The following C12orf43 variants were observed in gnomAD, a reference collection of about 807,000 sequenced individuals.
The protein encoded by C12orf43 is protein CUSTOS.
C12orf43 carries 15 observed loss-of-function variants against 20.6 expected under a neutral mutation model. The observed-to-expected ratio is 0.73, with a 90% CI of 0.49 to 1.12. The LOEUF (loss-of-function observed/expected upper bound fraction) is 1.12, where lower values mean the gene tolerates loss of function less well. Among genes scored for constraint, C12orf43 ranks in the 50% most tolerant of loss-of-function variants. The pLI, the probability that C12orf43 is intolerant of heterozygous loss-of-function variation, is 0.00. For missense variants in C12orf43, 334 were observed against 344.4 expected (o/e 0.97, Z 0.24); for synonymous variants, 144 against 130.8 (o/e 1.10, Z -0.69).
At chr12:121,009,982 T>C (rs975994231) in intron 3 of C12orf43, among the ~76,000 whole-genome samples, 7 of 152,178 alleles carry the variant, frequency 4.6e-5, no homozygotes, top group Non-Finnish European at 8.8e-5. Context: ...CTTACTCTCA[T>C]GGTTGCAGGA....
chr12:121,007,863 T>G (rs1353207365), intron 3 of C12orf43, among the ~76,000 whole-genome samples: 1 of 152,104 alleles, frequency 6.6e-6, no homozygotes, highest in African/African-American at 2.4e-5. Context: ...GTAGAGATGA[T>G]GCCACCCAGG....
chr12:121,007,844 G>A (rs1277546326), intron 3 of C12orf43, among the ~76,000 whole-genome samples: 1 of 152,148 alleles, frequency 6.6e-6, no homozygotes, highest in Non-Finnish European at 1.5e-5. Context: ...AGCAACCCGG[G>A]GAGAGGGAGT....
At chr12:121,015,409 A>G (rs1282489798) in intron 1 of C12orf43, among the ~76,000 whole-genome samples, 1 of 152,242 alleles carries the variant, frequency 6.6e-6, no homozygotes, top group Non-Finnish European at 1.5e-5. Context: ...GCTTTGCCAT[A>G]GCCTTCTCTA....
chr12:121,006,358 T>G lies in C12orf43; in HGVS notation c.324A>C (p.Ala108=), dbSNP rs1265959920. ...AAGCGACTTTCTGTACCTTAGCTTT[T>G]GCTGGCTCCTTTGCTGCTTCTGAGA... ...ITISEAAKEP[A]KAKVQKVALE... is the part of the protein sequence containing the mutation. The change falls in exon 4 of 6, where the codon GCA becomes GCC. Residue 108 remains alanine (A), a synonymous_variant. Coordinates refer to ENST00000288757, the MANE Select transcript of C12orf43 (RefSeq NM_022895.3). 1 of 1,614,090 alleles carries G rather than the reference T, an allele frequency of 6.2e-7. No homozygotes were observed. The highest frequency in any genetic ancestry group is 1.3e-5 in the African/African-American group (1 of 74,940).
chr12:121,016,402 G>A lies in C12orf43; in HGVS notation c.73C>T (p.Arg25Trp). 6.2e-7 allele frequency: 1 copy of A among 1,613,950 alleles called. No individual in the cohort carries two copies. Among genetic ancestry groups the A allele is most frequent in the Non-Finnish European group, 8.5e-7 (1 of 1,180,050 alleles). Reference protein sequence around the residue: ...NSSSDAEELERCREAAMPAWG... With the variant: ...NSSSDAEELEWCREAAMPAWG... ...GCCGGCATTGCCGCCTCGCGGCACC[G>A]CTCCAGCTCCTCCGCATCGCTACTG... The change falls in exon 1 of 6, where the codon CGG becomes TGG. Residue 25 changes from arginine to tryptophan, a missense_variant. Arg to Trp is a moderately radical substitution (Grantham distance 101). Coordinates refer to ENST00000288757, the MANE Select transcript of C12orf43 (RefSeq NM_022895.3).
At chr12:121,006,070 G>T in intron 4 of C12orf43, 2 of 426,482 alleles carry the variant, frequency 4.7e-6, no homozygotes, top group Admixed American at 7.7e-5. Flanking sequence ...TAAATAATTA[G>T]CCAGGGGTGG....
At position 121,016,425 on chromosome 12, in the gene C12orf43, C is replaced by A; in HGVS notation, c.50G>T (p.Ser17Ile). The change falls in exon 1 of 6, where the codon AGT becomes ATT. Residue 17 changes from serine to isoleucine, a missense_variant. Ser to Ile is a moderately radical substitution (Grantham distance 142). Coordinates refer to ENST00000288757, the MANE Select transcript of C12orf43 (RefSeq NM_022895.3). ...CCGCTCCAGCTCCTCCGCATCGCTA[C>A]TGCTGTTACTACTTTCCGAATCGCT... ...TVSDSESSNS[S>I]SDAEELERCR... 1.9e-6 allele frequency: 3 copies of A among 1,614,086 alleles called. No individual in the cohort carries two copies. The South Asian group carries it at 3.3e-5, about 18-fold the overall frequency.
In C12orf43 at chr12:121,005,254, A is replaced by C. The variant is rs957763041; in HGVS notation, c.362-161T>G. Among the ~76,000 whole-genome samples, 6 of 152,038 alleles carry C rather than the reference A, an allele frequency of 3.9e-5. No individual in the cohort carries two copies. The highest frequency in any genetic ancestry group is 4.1e-4 in the South Asian group (2 of 4,832). ...AAAAAAAAATTTTAAGAAGACACAA[A>C]ATAAAAAAATTTAAAAAAGAAACAA... On this transcript the variant is annotated intron_variant, in intron 4 of 5. Coordinates refer to ENST00000288757, the MANE Select transcript of C12orf43 (RefSeq NM_022895.3). The surrounding 1 kb of genome is among the most constrained non-coding windows in gnomAD (Gnocchi z 5.6).
In C12orf43 at chr12:121,001,630, G is replaced by A. The variant is rs1169310; in HGVS notation, c.*2523C>T. The A allele has an allele frequency of 0.37, 163,382 of 441,510 alleles. 32,923 individuals are homozygous for A. Among genetic ancestry groups the A allele is most frequent in the Middle Eastern group, 0.57 (1,764 of 3,104 alleles). 27.3% of individuals were successfully genotyped at this position (441,510 alleles called of 1,614,324 possible). A position where few individuals can be genotyped will look rare whatever the true frequency, so the allele number is the denominator to read the frequency against. On this transcript the variant is annotated 3_prime_UTR_variant, in exon 6 of 6. Coordinates refer to ENST00000288757, the MANE Select transcript of C12orf43 (RefSeq NM_022895.3). ...GACCTGCTGAGCTCTGAGAGGCCCT[G>A]GATCAGCGTGGCCTTGTTCTGTCAC...
At position 121,002,023 on chromosome 12, in the gene C12orf43, A is replaced by T; in HGVS notation, c.*2130T>A. 5.6e-6 allele frequency: 3 copies of T among 536,872 alleles called. No homozygotes were observed. The highest frequency in any genetic ancestry group is 4.6e-5 in the South Asian group (3 of 65,250). The allele number at this position is 536,872 out of a possible 1,614,324, so 33.3% of individuals were successfully genotyped here. The stretch of plus-strand genomic sequence containing the variant: ...TGTGGGAGCCTCGCAACCCGTGCCA[A>T]GTCCAGGTCCTGGTGGGGCAGCTCC... On this transcript the variant is annotated 3_prime_UTR_variant, in exon 6 of 6. Transcript: ENST00000288757.
At chr12:121,012,367 G>T (rs900870942) in intron 1 of C12orf43, 64 of 702,082 alleles carry the variant, frequency 9.1e-5, no homozygotes, top group Non-Finnish European at 1.5e-4. Flanking sequence ...TGGGCCAATG[G>T]GAGGACCTGG....
At chr12:121,014,454 C>A (rs1349721590) in intron 1 of C12orf43, among the ~76,000 whole-genome samples, 5 of 150,876 alleles carry the variant, frequency 3.3e-5, no homozygotes, top group African/African-American at 1.2e-4. Flanking sequence ...CACGGTGAAA[C>A]CCTGTCTGTA....
chr12:121,011,058 C>T, intron 2 of C12orf43, 46 bp downstream of exon 2: 1 of 1,603,718 alleles, frequency 6.2e-7, no homozygotes, highest in Non-Finnish European at 8.5e-7. Context: ...CGCAGGGGAT[C>T]AGTATTTGTT....
At chr12:121,014,404 G>A (rs1371494461) in intron 1 of C12orf43, among the ~76,000 whole-genome samples, 1 of 151,568 alleles carries the variant, frequency 6.6e-6, no homozygotes, top group African/African-American at 2.4e-5. Flanking sequence ...CGAGGCAGGT[G>A]GATTGCCTGA....
At chr12:121,012,477 T>C (rs1868463570) in intron 1 of C12orf43, 1 of 702,570 alleles carries the variant, frequency 1.4e-6, no homozygotes, top group Non-Finnish European at 2.6e-6. Context: ...GTGAGACTGT[T>C]GGGGCAAAGG....
chr12:121,001,833 G>A lies in C12orf43; in HGVS notation c.*2320C>T, dbSNP rs1426692846. The A allele has an allele frequency of 1.9e-6, 1 of 532,930 alleles. No individual in the cohort carries two copies. The highest frequency in any genetic ancestry group is 1.9e-5 in the African/African-American group (1 of 53,868). 33.0% of individuals were successfully genotyped at this position (532,930 alleles called of 1,614,324 possible). ...GAGGCCGAAGCTAACAGGGAAGGCA[G>A]GCAGGGCTCTCCTGGCTTCCCATCC... On this transcript the variant is annotated 3_prime_UTR_variant, in exon 6 of 6. Transcript: ENST00000288757.
At chr12:121,010,786 T>C in intron 3 of C12orf43, 42 bp downstream of exon 3, 2 of 1,490,654 alleles carry the variant, frequency 1.3e-6, no homozygotes, top group Non-Finnish European at 1.8e-6. Context: ...TTGCTGTTCA[T>C]ATTAACAAGG....
rs1565889961 is a variant in C12orf43 at position 121,002,353 on chromosome 12, G to A, written c.*1800C>T. The A allele has an allele frequency of 2.1e-6, 1 of 486,306 alleles. No homozygotes were observed. The highest frequency in any genetic ancestry group is 3.9e-6 in the Non-Finnish European group (1 of 253,760). The allele number at this position is 486,306 out of a possible 1,614,324, so 30.1% of individuals were successfully genotyped here. A position where few individuals can be genotyped will look rare whatever the true frequency, so the allele number is the denominator to read the frequency against. On this transcript the variant is annotated 3_prime_UTR_variant, in exon 6 of 6. Coordinates refer to ENST00000288757, the MANE Select transcript of C12orf43 (RefSeq NM_022895.3). ...AGGACAAGCATGGTCCCACATCCCT[G>A]GGCCTGCTGCTGAGAACCTGGCCTT...
At chr12:121,014,668 AAAAC>A (rs1455071461) in intron 1 of C12orf43, among the ~76,000 whole-genome samples, 9 of 151,104 alleles carry the variant, frequency 6.0e-5, no homozygotes, top group East Asian at 3.9e-4. Context: ...AAAACCCCAA[AAAAC>A]AAACAAACAA....
Sources: gnomAD v4.1 joint callset for allele counts (sites outside exome capture counted in the v4.1 genomes callset) on GRCh38, gnomAD v4.1.1 for gene constraint, Gnocchi (gnomAD v3.1) non-coding constraint, MANE v1.5 for transcripts, NCBI Gene and HGNC (gene_info 2026-07-23, HGNC 2026-07-21) for gene names.